Variants in ELP4 observed in about 807,000 individuals in gnomAD.
The protein encoded by ELP4 is elongator complex protein 4.
Under a neutral mutation model 48.9 loss-of-function variants are expected in ELP4, and 51 were observed. The observed-to-expected ratio is 1.04, with a 90% CI of 0.83 to 1.32. The LOEUF (loss-of-function observed/expected upper bound fraction) is 1.32. Ranked by LOEUF, ELP4 falls within the 40% of genes most tolerant of loss-of-function variation. The probability of loss-of-function intolerance (pLI) is 0.00; values close to 1 mark genes in which losing one functional copy is unlikely to be tolerated. For synonymous variants in ELP4, 210 were observed against 189.2 expected (o/e 1.11, Z -0.90); for missense variants, 519 against 514.6 (o/e 1.01, Z -0.08).
chr11:31,594,745 A>G (rs756395166), intron 3 of ELP4, 25 bp from the exon 4 acceptor site: 3 of 1,458,760 alleles, frequency 2.1e-6, no homozygotes, highest in Non-Finnish European at 2.7e-6. Context: ...CAGAATCTCA[A>G]TTATGTGTCA....
intron 5 of ELP4, among the ~76,000 whole-genome samples, chr11:31,620,379 A>T (rs1271840893): frequency 6.6e-6 from 1 of 152,084 alleles, no homozygotes; most frequent in East Asian, 1.9e-4. Context: ...GTGGTAGACA[A>T]TGATATAGAG....
rs1448459506 is a variant in ELP4 at position 31,706,642 on chromosome 11, TTTATC to T, written c.1143+56423_1143+56427del. 4.7e-5 allele frequency among the ~76,000 whole-genome samples: 7 copies of T among 149,298 alleles called. No individual in the cohort carries two copies. The East Asian group carries it at 7.8e-4, about 17-fold the overall frequency. The stretch of plus-strand genomic sequence containing the variant: ...TATATTTAATTCATATATTTTAACT[TTTATC>T]TAATATTTTCAAAAAAAGAACACTA... On this transcript the variant is annotated intron_variant, in intron 9 of 9. Coordinates refer to ENST00000640961, the MANE Select transcript of ELP4 (RefSeq NM_019040.5).
chr11:31,713,932 T>TA (rs1231153050), intron 9 of ELP4, among the ~76,000 whole-genome samples: 7 of 152,094 alleles, frequency 4.6e-5, no homozygotes, highest in Non-Finnish European at 8.8e-5. Context: ...CAATAGAAGC[T>TA]AAAATGTAGT....
At chr11:31,657,919 G>A (rs1035008008) in intron 9 of ELP4, among the ~76,000 whole-genome samples, 1 of 151,892 alleles carries the variant, frequency 6.6e-6, no homozygotes, top group Non-Finnish European at 1.5e-5. Context: ...AGTGCTTAAA[G>A]GCATTATTTC....
At chr11:31,763,374 G>A (rs1947985531) in intron 9 of ELP4, 1 of 1,546,816 alleles carries the variant, frequency 6.5e-7, no homozygotes, top group African/African-American at 1.4e-5. Context: ...CAAAATTACT[G>A]TTGACTAACA....
At chr11:31,513,640 A>T (rs911745710) in intron 1 of ELP4, among the ~76,000 whole-genome samples, 1 of 152,084 alleles carries the variant, frequency 6.6e-6, no homozygotes, top group Non-Finnish European at 1.5e-5. Context: ...CTAGTGTATT[A>T]ATTTGACCTC....
Position 31,561,198 on chromosome 11 carries a change from G to T in ELP4, c.381+21415G>T, listed in dbSNP as rs901155103. 2.0e-5 allele frequency among the ~76,000 whole-genome samples: 3 copies of T among 152,146 alleles called. 1 individual carries two copies. Among genetic ancestry groups the T allele is most frequent in the East Asian group, 3.9e-4 (2 of 5,176 alleles). Reference sequence around the variant, plus strand: ...CTCTTAACTATAGAATTATTTGCAGGTTATTATCTTATATTAACCCTCTAT... The same window carrying T: ...CTCTTAACTATAGAATTATTTGCAGTTTATTATCTTATATTAACCCTCTAT... On this transcript the variant is annotated intron_variant, in intron 3 of 9. Transcript: ENST00000640961.
chr11:31,674,274 G>A (rs1415213872), intron 9 of ELP4, among the ~76,000 whole-genome samples: 1 of 152,130 alleles, frequency 6.6e-6, no homozygotes, highest in African/African-American at 2.4e-5. Flanking sequence ...TTTAAGCATT[G>A]TAAGCATTAT....
chr11:31,714,723 T>G, intron 9 of ELP4: 1 of 398,648 alleles, frequency 2.5e-6, no homozygotes, highest in Non-Finnish European at 4.4e-6. Context: ...TTCTAGAGGT[T>G]GCCTGCATTC....
At chr11:31,528,004 C>G (rs759847806) in intron 2 of ELP4, among the ~76,000 whole-genome samples, 3 of 152,010 alleles carry the variant, frequency 2.0e-5, no homozygotes, top group Non-Finnish European at 4.4e-5. Context: ...TTTCTTGCTG[C>G]CTTTTATTTT....
chr11:31,728,997 T>C (rs1947131600), intron 9 of ELP4, among the ~76,000 whole-genome samples: 1 of 152,190 alleles, frequency 6.6e-6, no homozygotes, highest in Non-Finnish European at 1.5e-5. Flanking sequence ...TAAATTCATT[T>C]ATATTAAAGC....
At chr11:31,779,875 C>T (rs1948333563) in intron 9 of ELP4, 1 of 152,180 alleles carries the variant, frequency 6.6e-6, no homozygotes, top group Non-Finnish European at 1.5e-5. Context: ...TATCCATCTC[C>T]TGCATCACAC....
At chr11:31,676,377 A>G (rs61879764) in intron 9 of ELP4, among the ~76,000 whole-genome samples, 33,131 of 152,090 alleles carry the variant, frequency 0.22, 4,520 homozygotes, top group Non-Finnish European at 0.3. Flanking sequence ...ATGTTTTCCC[A>G]TAGCACTCAC....
intron 9 of ELP4, chr11:31,727,658 G>A (rs1161257740): frequency 6.6e-6 from 1 of 152,096 alleles, no homozygotes; most frequent in Non-Finnish European, 1.5e-5. Context: ...TCAAAGACTA[G>A]TAAGCTCTGA....
chr11:31,737,617 C>G (rs756743877), intron 9 of ELP4, among the ~76,000 whole-genome samples: 1 of 152,034 alleles, frequency 6.6e-6, no homozygotes, highest in East Asian at 1.9e-4. Context: ...ATAGAGAACG[C>G]CTATAACTGA....
intron 3 of ELP4, among the ~76,000 whole-genome samples, chr11:31,562,270 A>G (rs1465890742): frequency 1.3e-5 from 2 of 152,224 alleles, no homozygotes; most frequent in African/African-American, 2.4e-5. Flanking sequence ...TTAAATGAAG[A>G]TGGTATCCTA....
intron 9 of ELP4, among the ~76,000 whole-genome samples, chr11:31,697,044 AAAATC>A (rs1222668442): frequency 6.6e-6 from 1 of 152,104 alleles, no homozygotes; most frequent in Non-Finnish European, 1.5e-5. Flanking sequence ...TAAACCAACA[AAAATC>A]AAAAGAGACA....
At chr11:31,603,164 C>T (rs1380520761) in intron 4 of ELP4, among the ~76,000 whole-genome samples, 1 of 151,822 alleles carries the variant, frequency 6.6e-6, no homozygotes, top group Non-Finnish European at 1.5e-5. Flanking sequence ...GGGTCATATA[C>T]ATTCTTCCAC....
intron 9 of ELP4, among the ~76,000 whole-genome samples, chr11:31,775,340 CAT>C (rs755229082): frequency 2.6e-5 from 4 of 152,274 alleles, no homozygotes; most frequent in African/African-American, 4.8e-5. Flanking sequence ...CACATTCACA[CAT>C]GTTTGTGGAT....
Sources: allele counts gnomAD v4.1 joint callset (sites outside exome capture counted in the v4.1 genomes callset), GRCh38; gene constraint gnomAD v4.1.1; transcripts MANE v1.5; gene names NCBI Gene and HGNC (gene_info 2026-07-23, HGNC 2026-07-21).